NBPF9: variants seen among roughly 807,000 people sequenced by gnomAD.
NBPF9 encodes NBPF member 9.
NBPF9 carries 91 observed loss-of-function variants against 97.8 expected under a neutral mutation model. The observed-to-expected ratio is 0.93, with a 90% CI of 0.79 to 1.11. NBPF9 has a LOEUF of 1.11. Ranked by LOEUF, NBPF9 falls within the 50% of genes least tolerant of loss-of-function variation. The pLI is 0.00. For missense variants in NBPF9, 992 were observed against 939.5 expected, an observed-to-expected ratio of 1.06 and a Z score of -0.73; for synonymous variants, 334 against 359.5, an observed-to-expected ratio of 0.93 and a Z score of 0.80.
intron 3 of NBPF9, among the ~76,000 whole-genome samples, chr1:149,099,664 T>C (rs2082017023): frequency 2.6e-5 from 4 of 152,198 alleles, no homozygotes; most frequent in Admixed American, 2.6e-4. Flanking sequence ...TAGTAAATCT[T>C]TTAAATTAGA....
chr1:149,064,037 C>CACAAAA (rs1399391788), intron 19 of NBPF9, among the ~76,000 whole-genome samples: 6 of 135,278 alleles, frequency 4.4e-5, no homozygotes, highest in Non-Finnish European at 9.5e-5. Context: ...CACACACACA[C>CACAAAA]AGAGCGAGCT....
chr1:149,055,469 C>G (rs1486678384), exon 30 of NBPF9: 3 of 1,120,498 alleles, frequency 2.7e-6, no homozygotes, highest in Non-Finnish European at 3.8e-6. Flanking sequence ...TCACACCTAA[C>G]GTGGGTCCAT....
chr1:149,064,837 A>T (rs2078927082), intron 18 of NBPF9: 1 of 543,850 alleles, frequency 1.8e-6, no homozygotes, highest in Non-Finnish European at 3.3e-6. Flanking sequence ...TCAAATACCC[A>T]GAATTTGATA....
chr1:149,084,442 A>ATT (rs1284247702), intron 5 of NBPF9, among the ~76,000 whole-genome samples: 1 of 144,728 alleles, frequency 6.9e-6, no homozygotes, highest in Non-Finnish European at 1.5e-5. Context: ...ATATATATAT[A>ATT]TTTTTCTTTT....
exon 20 of NBPF9, chr1:149,063,682 G>A (rs77761336): frequency 3.2e-6 from 2 of 616,890 alleles, no homozygotes; most frequent in South Asian, 3.8e-5. Context: ...ATACGTAAAA[G>A]GCACTTCTGT....
intron 16 of NBPF9, among the ~76,000 whole-genome samples, chr1:149,070,323 A>G (rs2079301259): frequency 9.2e-6 from 1 of 109,218 alleles, no homozygotes; most frequent in Non-Finnish European, 2.0e-5. Flanking sequence ...TCCATCGCAA[A>G]AAAAAAAAAA....
intron 27 of NBPF9, among the ~76,000 whole-genome samples, chr1:149,057,754 G>C (rs1231907011): frequency 0.034 from 2,452 of 71,248 alleles, 2 homozygotes; most frequent in Middle Eastern, 0.053. Flanking sequence ...CACACACACA[G>C]AGAGAGAGAG....
intron 5 of NBPF9, among the ~76,000 whole-genome samples, chr1:149,086,790 C>G: frequency 6.6e-6 from 1 of 152,094 alleles, no homozygotes; most frequent in Middle Eastern, 3.4e-3. Context: ...CTCTTCCTCC[C>G]CAGTTCATCT....
chr1:149,060,932 C>G, intron 23 of NBPF9: 1 of 415,728 alleles, frequency 2.4e-6, no homozygotes, highest in Non-Finnish European at 4.2e-6. Flanking sequence ...CACAAACACA[C>G]ACACACAGAG....
intron 3 of NBPF9, among the ~76,000 whole-genome samples, chr1:149,100,013 C>G (rs1187061508): frequency 6.8e-6 from 1 of 146,852 alleles, no homozygotes; most frequent in Non-Finnish European, 1.5e-5. Flanking sequence ...TCGATGTAGT[C>G]CTAAAACTAT....
rs1221880719 is a variant in NBPF9, at chr1:149,065,321, A to C, written c.1801+205T>G. ...CAGGTTGGCACGGGCATGGCCTGAG[A>C]CTAGGAAGAGAGCAAAGCTCACTGA... On this transcript the variant is annotated intron_variant, in intron 18 of 29. Transcript: ENST00000584027. The C allele has an allele frequency of 1.7e-5, 13 of 751,744 alleles. No homozygotes were observed. In the African/African-American group the frequency reaches 2.1e-4, roughly 12 times the overall value. 46.6% of individuals were successfully genotyped at this position (751,744 alleles called of 1,614,324 possible). A position where few individuals can be genotyped will look rare whatever the true frequency, so the allele number is the denominator to read the frequency against.
chr1:149,061,281 G>A, intron 23 of NBPF9, 51 bp downstream of exon 23: 1 of 379,618 alleles, frequency 2.6e-6, no homozygotes, highest in Non-Finnish European at 4.8e-6. Flanking sequence ...CCCTGAACCA[G>A]GAGTCTCCAG....
exon 8 of NBPF9, chr1:149,080,069 G>C (rs781843591): frequency 1.5e-5 from 24 of 1,571,400 alleles, no homozygotes; most frequent in Admixed American, 1.7e-5. Context: ...TCCTCAGCTT[G>C]CTTCAGCTGC....
At chr1:149,082,770 C>A (rs1444237529) in intron 5 of NBPF9, among the ~76,000 whole-genome samples, 4 of 147,018 alleles carry the variant, frequency 2.7e-5, no homozygotes, top group African/African-American at 9.9e-5. Context: ...TTAGTATGTT[C>A]TCTTGTTTTG....
chr1:149,099,183 G>A (rs1179134410), intron 3 of NBPF9, among the ~76,000 whole-genome samples: 3 of 152,232 alleles, frequency 2.0e-5, no homozygotes, highest in African/African-American at 4.8e-5. Context: ...GAGTGTGTGG[G>A]TGTAGTTAAT....
At chr1:149,098,107 A>AG (rs1207868684) in intron 4 of NBPF9, among the ~76,000 whole-genome samples, 8 of 150,348 alleles carry the variant, frequency 5.3e-5, no homozygotes, top group Non-Finnish European at 1.2e-4. Flanking sequence ...GGGTGGAAAC[A>AG]AGAGATGGAA....
chr1:149,072,644 T>A, intron 14 of NBPF9, 74 bp downstream of exon 14: 1 of 1,524,014 alleles, frequency 6.6e-7, no homozygotes, highest in Non-Finnish European at 9.1e-7. Flanking sequence ...ACAACTGTCA[T>A]TGTGAAAGTA....
At chr1:149,089,222 C>A (rs1428665401) in intron 5 of NBPF9, among the ~76,000 whole-genome samples, 2 of 152,166 alleles carry the variant, frequency 1.3e-5, no homozygotes, top group Non-Finnish European at 2.9e-5. Context: ...CACCGCTGTT[C>A]CCCTCACCCA....
intron 4 of NBPF9, among the ~76,000 whole-genome samples, chr1:149,094,894 GAC>G: frequency 6.8e-6 from 1 of 146,540 alleles, no homozygotes; most frequent in South Asian, 2.2e-4. Flanking sequence ...AAATGATATT[GAC>G]AGATTACTAG....
Sources: gnomAD v4.1 joint callset for allele counts (sites outside exome capture counted in the v4.1 genomes callset) on GRCh38, gnomAD v4.1.1 for gene constraint, MANE v1.5 for transcripts, NCBI Gene and HGNC (gene_info 2026-07-23, HGNC 2026-07-21) for gene names.